The following KCNAB1 variants were observed in gnomAD, a reference collection of about 807,000 sequenced individuals.
The protein encoded by KCNAB1 is voltage-gated potassium channel subunit beta-1.
KCNAB1 carries 35 observed loss-of-function variants against 64.6 expected under a neutral mutation model. That is an observed-to-expected ratio of 0.54 (90% CI 0.41 to 0.72). The LOEUF (loss-of-function observed/expected upper bound fraction) is 0.72, where lower values mean the gene tolerates loss of function less well. KCNAB1 is among the 30% of genes least tolerant of loss of function. KCNAB1 has a pLI of 0.00. For synonymous variants in KCNAB1, 177 were observed against 183.8 expected, an observed-to-expected ratio of 0.96 and a Z score of 0.30; for missense variants, 401 against 512.9, an observed-to-expected ratio of 0.78 and a Z score of 2.11.
intron 8 of KCNAB1, among the ~76,000 whole-genome samples, chr3:156,509,474 A>G (rs1293139633): frequency 2.6e-5 from 4 of 152,192 alleles, no homozygotes; most frequent in Non-Finnish European, 2.9e-5. Flanking sequence ...CTGGCTGCAC[A>G]CTAGAATCAT....
chr3:156,266,257 A>G (rs967779680), intron 1 of KCNAB1, among the ~76,000 whole-genome samples: 2 of 152,134 alleles, frequency 1.3e-5, no homozygotes, highest in Admixed American at 1.3e-4. Context: ...TCTCTCCTTC[A>G]TTACTATAGA....
intron 1 of KCNAB1, among the ~76,000 whole-genome samples, chr3:156,164,350 C>T (rs1287614591): frequency 6.6e-6 from 1 of 152,134 alleles, no homozygotes; most frequent in East Asian, 1.9e-4. Flanking sequence ...TAGATGTTAC[C>T]AATGAGGCCG....
chr3:156,202,049 CAGGT>C (rs1714366543), intron 1 of KCNAB1, among the ~76,000 whole-genome samples: 1 of 152,242 alleles, frequency 6.6e-6, no homozygotes, highest in South Asian at 2.1e-4. Flanking sequence ...CTGCAGAGTT[CAGGT>C]ACAATAGTTT....
chr3:156,537,269 A>AAAG lies in KCNAB1; in HGVS notation c.*523_*525dup, dbSNP rs2108436542. ...AAAAAAAAAGCAGTATCTTCACTCA[A>AAAG]AAGTCTTGCTTGGAAGAATAAGCAG... On this transcript the variant is annotated 3_prime_UTR_variant, in exon 14 of 14. Transcript: ENST00000490337. 2.6e-6 allele frequency: 1 copy of AAAG among 388,376 alleles called. No individual in the cohort carries two copies. The highest frequency in any genetic ancestry group is 3.7e-5 in the East Asian group (1 of 27,218). The allele number at this position is 388,376 out of a possible 1,614,324, so 24.1% of individuals were successfully genotyped here.
rs533425554 is a variant in KCNAB1 at position 156,509,999 on chromosome 3, T to A, written c.659-4365T>A. Among the ~76,000 whole-genome samples the A allele has an allele frequency of 6.4e-4, 98 of 152,356 alleles. No individual in the cohort carries two copies. The South Asian group carries it at 0.02, about 31-fold the overall frequency. On this transcript the variant is annotated intron_variant, in intron 8 of 13. Transcript: ENST00000490337. Reference sequence around the variant, plus strand: ...AAACGAATTTTTCTCTGAAATAGAATTAAATTTTAATTCATGGCAACATGA... The same window carrying A: ...AAACGAATTTTTCTCTGAAATAGAAATAAATTTTAATTCATGGCAACATGA...
chr3:156,245,863 A>G (rs1036065117), intron 1 of KCNAB1, among the ~76,000 whole-genome samples: 4 of 152,204 alleles, frequency 2.6e-5, no homozygotes, highest in Non-Finnish European at 5.9e-5. Flanking sequence ...GCATTTAGCA[A>G]CAGAAAAGAG....
chr3:156,176,921 C>G, intron 1 of KCNAB1: 1 of 965,618 alleles, frequency 1.0e-6, no homozygotes, highest in Non-Finnish European at 1.6e-6. Context: ...TGGCGGCAAC[C>G]GGATGATGCT....
At chr3:156,373,749 G>A (rs1317691162) in intron 1 of KCNAB1, among the ~76,000 whole-genome samples, 1 of 152,192 alleles carries the variant, frequency 6.6e-6, no homozygotes. Flanking sequence ...AAGGCTAAAT[G>A]TAAGGCCCTC....
intron 1 of KCNAB1, among the ~76,000 whole-genome samples, chr3:156,373,471 C>T (rs191125129): frequency 4.6e-5 from 7 of 152,302 alleles, no homozygotes; most frequent in East Asian, 3.9e-4. Context: ...AGAGACCTCA[C>T]TGTTTTTAAA....
chr3:156,407,576 G>C (rs1001795684), intron 1 of KCNAB1, among the ~76,000 whole-genome samples: 2 of 152,212 alleles, frequency 1.3e-5, no homozygotes, highest in African/African-American at 4.8e-5. Flanking sequence ...CAACCTTTGA[G>C]ATATGGTCTT....
At chr3:156,198,913 ATTTTTTTTTT>A (rs71138701) in intron 1 of KCNAB1, among the ~76,000 whole-genome samples, 12 of 21,288 alleles carry the variant, frequency 5.6e-4, no homozygotes, top group African/African-American at 2.4e-3. Flanking sequence ...TTATATTTTG[ATTTTTTTTTT>A]TTTTTTTTTT....
At chr3:156,159,376 AAAGT>A (rs1470930931) in intron 1 of KCNAB1, among the ~76,000 whole-genome samples, 7 of 152,300 alleles carry the variant, frequency 4.6e-5, no homozygotes, top group African/African-American at 1.7e-4. Flanking sequence ...TATCTAACTA[AAAGT>A]AAGAAGAGAA....
chr3:156,281,283 A>G (rs1046338532), intron 1 of KCNAB1, among the ~76,000 whole-genome samples: 3 of 152,070 alleles, frequency 2.0e-5, no homozygotes, highest in Non-Finnish European at 4.4e-5. Flanking sequence ...ATTTGCGTAC[A>G]TTGAACCAGC....
At chr3:156,185,946 TG>T (rs137860209) in intron 1 of KCNAB1, among the ~76,000 whole-genome samples, 1,560 of 152,332 alleles carry the variant, frequency 0.01, 25 homozygotes, top group African/African-American at 0.036. Context: ...CTGCAACTTC[TG>T]TACTGATATC....
intron 8 of KCNAB1, among the ~76,000 whole-genome samples, chr3:156,511,837 T>C (rs950827826): frequency 3.9e-5 from 6 of 152,342 alleles, no homozygotes; most frequent in African/African-American, 1.4e-4. Context: ...AAACCTTGAA[T>C]AACATACAAA....
At chr3:156,254,229 A>G (rs1362613650) in intron 1 of KCNAB1, among the ~76,000 whole-genome samples, 2 of 152,254 alleles carry the variant, frequency 1.3e-5, no homozygotes, top group African/African-American at 4.8e-5. Context: ...TATTTGGAAT[A>G]TTCTGGCTAA....
intron 1 of KCNAB1, among the ~76,000 whole-genome samples, chr3:156,136,082 T>C (rs1377309764): frequency 2.0e-5 from 3 of 152,214 alleles, no homozygotes; most frequent in African/African-American, 7.2e-5. Flanking sequence ...CTCCCACGTA[T>C]AACTGTGTGT....
At chr3:156,334,024 C>CA (rs1402199523) in intron 1 of KCNAB1, among the ~76,000 whole-genome samples, 1 of 152,072 alleles carries the variant, frequency 6.6e-6, no homozygotes, top group African/African-American at 2.4e-5. Flanking sequence ...TGTATGTATT[C>CA]AAATGTATTC....
chr3:156,404,429 C>G (rs1480786599), intron 1 of KCNAB1, among the ~76,000 whole-genome samples: 1 of 152,160 alleles, frequency 6.6e-6, no homozygotes, highest in Admixed American at 6.5e-5. Flanking sequence ...TGACAGCATA[C>G]AAATGATGGA....
Sources: allele counts gnomAD v4.1 joint callset (sites outside exome capture counted in the v4.1 genomes callset), GRCh38; gene constraint gnomAD v4.1.1; transcripts MANE v1.5; gene names NCBI Gene and HGNC (gene_info 2026-07-23, HGNC 2026-07-21).